The following TSPEAR variants were observed in gnomAD, a reference collection of about 807,000 sequenced individuals.
The protein encoded by TSPEAR is thrombospondin type laminin G domain and EAR repeats, also known as thrombospondin-type laminin G domain and EAR repeat-containing protein.
TSPEAR carries 69 observed loss-of-function variants against 71.6 expected under a neutral mutation model. The ratio of observed to expected loss-of-function variants is 0.96; its 90% CI spans 0.79 to 1.18. The LOEUF is 1.18. Ranked by LOEUF, TSPEAR falls within the 50% of genes most tolerant of loss-of-function variation. The pLI, the probability that TSPEAR is intolerant of heterozygous loss-of-function variation, is 0.00. For missense variants in TSPEAR, 971 were observed against 894.9 expected (o/e 1.09, Z -1.09); for synonymous variants, 402 against 387.2 (o/e 1.04, Z -0.45).
intron 1 of TSPEAR, among the ~76,000 whole-genome samples, chr21:44,578,783 A>C (rs1386505337): frequency 6.6e-6 from 1 of 152,154 alleles, no homozygotes; most frequent in East Asian, 1.9e-4. Context: ...AAAATCCCCC[A>C]GGTCTCAGCA....
chr21:44,591,603 G>A lies in TSPEAR; in HGVS notation c.83-23598C>T, dbSNP rs587770115. The A allele has an allele frequency of 4.8e-5, 78 of 1,613,468 alleles. 1 individual carries two copies. Among genetic ancestry groups the A allele is most frequent in the South Asian group, 1.6e-4 (15 of 91,004 alleles). Reference sequence around the variant, plus strand: ...AGGAGGAGGATCTGCAGCAGGAGGCGGTGCAGCAAGCCGGCTGGCAGCTAG... The same window carrying A: ...AGGAGGAGGATCTGCAGCAGGAGGCAGTGCAGCAAGCCGGCTGGCAGCTAG... On this transcript the variant is annotated intron_variant, in intron 1 of 11. Coordinates refer to ENST00000323084, the MANE Select transcript of TSPEAR (RefSeq NM_144991.3).
chr21:44,524,388 T>C (rs587748900), intron 8 of TSPEAR, among the ~76,000 whole-genome samples: 105 of 151,426 alleles, frequency 6.9e-4, no homozygotes, highest in African/African-American at 2.3e-3. Context: ...ATCAGTCAGT[T>C]AGTGGGAGAG....
intron 1 of TSPEAR, among the ~76,000 whole-genome samples, chr21:44,667,668 T>A (rs1428145451): frequency 6.6e-6 from 1 of 152,020 alleles, no homozygotes; most frequent in Non-Finnish European, 1.5e-5. Flanking sequence ...TATAGAAGGT[T>A]CCAAGGGCCA....
intron 1 of TSPEAR, among the ~76,000 whole-genome samples, chr21:44,650,708 C>T (rs1555941266): frequency 2.0e-5 from 3 of 152,168 alleles, no homozygotes; most frequent in Admixed American, 6.5e-5. Flanking sequence ...CAGCAGCCCC[C>T]GGATGTCAAC....
intron 1 of TSPEAR, among the ~76,000 whole-genome samples, chr21:44,669,477 T>C (rs1275252507): frequency 1.3e-5 from 2 of 152,080 alleles, no homozygotes; most frequent in African/African-American, 4.8e-5. Flanking sequence ...AACACAAAGC[T>C]ACAAACACAG....
Position 44,637,584 on chromosome 21 carries a change from C to T in TSPEAR, c.83-69579G>A, listed in dbSNP as rs373986808. The stretch of plus-strand genomic sequence containing the variant: ...GTGTCCAGCCCCTGCTGCCAGACGG[C>T]CTGTGAGCCCAGCGCCTGCCAATCA... On this transcript the variant is annotated intron_variant, in intron 1 of 11. Transcript: ENST00000323084. 28 of 1,613,738 alleles carry T rather than the reference C, an allele frequency of 1.7e-5. No individual in the cohort carries two copies. In the African/African-American group the frequency reaches 3.6e-4, roughly 21 times the overall value.
chr21:44,591,634 T>A, intron 1 of TSPEAR: 3 of 1,613,620 alleles, frequency 1.9e-6, no homozygotes, highest in Non-Finnish European at 2.5e-6. Context: ...GCTAGACTGC[T>A]GGCAGCATGA....
At chr21:44,513,134 C>G (rs915496385) in intron 9 of TSPEAR, among the ~76,000 whole-genome samples, 7 of 152,240 alleles carry the variant, frequency 4.6e-5, no homozygotes, top group Admixed American at 2.0e-4. Flanking sequence ...AGAACCCCCA[C>G]GGGGTGTCAC....
In TSPEAR at chr21:44,695,773, C is replaced by G. The variant is rs1987306540; in HGVS notation, c.82+15660G>C. 6.6e-6 allele frequency among the ~76,000 whole-genome samples: 1 copy of G among 152,154 alleles called. No individual in the cohort carries two copies. Among genetic ancestry groups the G allele is most frequent in the Admixed American group, 6.5e-5 (1 of 15,272 alleles). On this transcript the variant is annotated intron_variant, in intron 1 of 11. Transcript: ENST00000323084. The surrounding 1 kb of genome is among the most constrained non-coding windows in gnomAD (Gnocchi z 4.5). ...TACACGCCACACACCAGGGTTTCATCTCATCACAGGGTAATGTTTACAACG... is the reference window on the plus strand; with the variant it reads ...TACACGCCACACACCAGGGTTTCATGTCATCACAGGGTAATGTTTACAACG...
intron 1 of TSPEAR, chr21:44,702,542 C>T (rs1987706237): frequency 6.2e-7 from 1 of 1,610,060 alleles, no homozygotes; most frequent in African/African-American, 1.3e-5. Context: ...GGGGCTTCCT[C>T]CCTGTGCTGC....
intron 9 of TSPEAR, chr21:44,517,391 C>G (rs1317759592): frequency 4.8e-6 from 1 of 209,010 alleles, no homozygotes; most frequent in Admixed American, 5.5e-5. Context: ...AGCCAATGAG[C>G]TGTGAGTACA....
intron 1 of TSPEAR, among the ~76,000 whole-genome samples, chr21:44,634,884 T>C (rs146357173): frequency 9.8e-5 from 15 of 152,326 alleles, no homozygotes; most frequent in Non-Finnish European, 1.6e-4. Flanking sequence ...GAAACTGGAA[T>C]GTTTGTACAT....
intron 1 of TSPEAR, chr21:44,573,642 G>A (rs1317799150): frequency 1.3e-6 from 2 of 1,515,282 alleles, no homozygotes; most frequent in Non-Finnish European, 1.8e-6. Flanking sequence ...CCTCCTGTCT[G>A]GACAACATGC....
intron 2 of TSPEAR, chr21:44,539,189 C>A (rs2146000215): frequency 1.3e-6 from 2 of 1,489,562 alleles, no homozygotes; most frequent in Middle Eastern, 4.8e-4. Flanking sequence ...ACAGGGGAGA[C>A]ACGGGGACCC....
rs1311960225 is a variant in TSPEAR at position 44,654,647 on chromosome 21, A to G, written c.82+56786T>C. 7.0e-6 allele frequency: 10 copies of G among 1,437,574 alleles called. No homozygotes were observed. In the Admixed American group the frequency reaches 2.3e-4, roughly 32 times the overall value. 89.1% of individuals were successfully genotyped at this position (1,437,574 alleles called of 1,614,324 possible). A position where few individuals can be genotyped will look rare whatever the true frequency, so the allele number is the denominator to read the frequency against. On this transcript the variant is annotated intron_variant, in intron 1 of 11. Transcript: ENST00000323084. ...TGTGGACAGGTGGGGGGCGCAGAGG[A>G]CAGGGCTGGTCTGGAGCCTGCTTCC...
chr21:44,525,063 A>T (rs190009881), intron 8 of TSPEAR, among the ~76,000 whole-genome samples: 6 of 150,586 alleles, frequency 4.0e-5, no homozygotes, highest in East Asian at 2.0e-4. Context: ...AGTTAGTCAG[A>T]TAGTCAGTCA....
chr21:44,514,675 G>C (rs1197594293), intron 9 of TSPEAR, among the ~76,000 whole-genome samples: 1 of 152,204 alleles, frequency 6.6e-6, no homozygotes, highest in Admixed American at 6.5e-5. Flanking sequence ...GCAGGACCCT[G>C]TGCCTAGACT....
intron 1 of TSPEAR, among the ~76,000 whole-genome samples, chr21:44,606,499 G>T (rs1981324949): frequency 6.6e-6 from 1 of 152,194 alleles, no homozygotes; most frequent in Admixed American, 6.5e-5. Context: ...ACTTGCCTAT[G>T]ATCCACAAAT....
chr21:44,698,142 T>TC (rs1555951041), intron 1 of TSPEAR: 2 of 651,492 alleles, frequency 3.1e-6, no homozygotes, highest in East Asian at 2.7e-5. Context: ...CTCCACCCAC[T>TC]CCCCCGGCTC....
Sources: allele counts gnomAD v4.1 joint callset (sites outside exome capture counted in the v4.1 genomes callset), GRCh38; gene constraint gnomAD v4.1.1; non-coding constraint Gnocchi (gnomAD v3.1); transcripts MANE v1.5; gene names NCBI Gene and HGNC (gene_info 2026-07-23, HGNC 2026-07-21).